DLGAP2: variants seen among roughly 807,000 people sequenced by gnomAD.
DLGAP2 encodes disks large-associated protein 2.
In DLGAP2, 26 loss-of-function variants were observed where a neutral mutation model predicts 100.3. The observed-to-expected ratio is 0.26, with a 90% CI of 0.19 to 0.36. The LOEUF (loss-of-function observed/expected upper bound fraction) is 0.36, where lower values mean the gene tolerates loss of function less well. DLGAP2 is among the 10% of genes least tolerant of loss of function. The pLI, the probability that DLGAP2 is intolerant of heterozygous loss-of-function variation, is 1.00. For synonymous variants in DLGAP2, 886 were observed against 630.1 expected, an observed-to-expected ratio of 1.41 and a Z score of -6.08; for missense variants, 1,858 against 1,453.2, an observed-to-expected ratio of 1.28 and a Z score of -4.53.
intron 2 of DLGAP2, among the ~76,000 whole-genome samples, chr8:1,040,333 C>G (rs1328897902): frequency 1.1e-4 from 17 of 148,106 alleles, no homozygotes; most frequent in Non-Finnish European, 2.5e-4. Flanking sequence ...TGTGCGTGGT[C>G]AGCTCGGTGT....
chr8:808,712 A>C (rs991144677), intron 1 of DLGAP2, among the ~76,000 whole-genome samples: 1 of 152,198 alleles, frequency 6.6e-6, no homozygotes, highest in Non-Finnish European at 1.5e-5. Flanking sequence ...AGTGTGGGCC[A>C]TCTCAGGGCA....
chr8:799,845 C>T (rs777568019), intron 1 of DLGAP2, among the ~76,000 whole-genome samples: 2 of 152,210 alleles, frequency 1.3e-5, no homozygotes, highest in Non-Finnish European at 2.9e-5. Flanking sequence ...GGTCCTCCTA[C>T]CTTGGCCTCT....
chr8:741,876 C>T lies in DLGAP2; in HGVS notation c.18+4051C>T, dbSNP rs71514195. On this transcript the variant is annotated intron_variant, in intron 1 of 14. Transcript: ENST00000637795. The stretch of plus-strand genomic sequence containing the variant: ...GAGAGGAAAGCTTTAGGAAAAACAG[C>T]GGGAAAGGTGTAAGGCCTGCAGTTG... Among the ~76,000 whole-genome samples, 1,256 of 152,274 alleles carry T rather than the reference C, an allele frequency of 8.2e-3. 3 individuals are homozygous for T. The highest frequency in any genetic ancestry group is 0.018 in the South Asian group (88 of 4,832).
intron 2 of DLGAP2, among the ~76,000 whole-genome samples, chr8:1,074,338 C>G (rs145025391): frequency 0.012 from 1,698 of 146,772 alleles, 11 homozygotes; most frequent in African/African-American, 0.044. Flanking sequence ...TGAGGCTGAA[C>G]TCACCCAGGT....
intron 2 of DLGAP2, among the ~76,000 whole-genome samples, chr8:1,209,092 A>G (rs1363168592): frequency 6.6e-6 from 1 of 152,110 alleles, no homozygotes; most frequent in African/African-American, 2.4e-5. Context: ...CAATGGATAA[A>G]TTCAATATCA....
chr8:1,522,697 A>G (rs1053956707), intron 4 of DLGAP2, among the ~76,000 whole-genome samples: 2 of 152,132 alleles, frequency 1.3e-5, no homozygotes, highest in East Asian at 1.9e-4. Context: ...AGAAAGAGGG[A>G]GAATGAGTTT....
At chr8:824,904 A>T (rs1172270195) in intron 1 of DLGAP2, among the ~76,000 whole-genome samples, 1 of 152,126 alleles carries the variant, frequency 6.6e-6, no homozygotes, top group East Asian at 1.9e-4. Context: ...TCACTCCCTG[A>T]GGGGCCATGG....
chr8:1,584,115 A>T (rs1796038315), intron 6 of DLGAP2, among the ~76,000 whole-genome samples: 1 of 152,072 alleles, frequency 6.6e-6, no homozygotes, highest in South Asian at 2.1e-4. Flanking sequence ...TATCATTGCC[A>T]TTGCGCCTTC....
At chr8:910,824 C>T (rs1798469812) in intron 2 of DLGAP2, among the ~76,000 whole-genome samples, 1 of 152,100 alleles carries the variant, frequency 6.6e-6, no homozygotes, top group African/African-American at 2.4e-5. Flanking sequence ...CCGTCCTTAG[C>T]ACCTTTTTTT....
chr8:841,985 G>T (rs1309696575), intron 1 of DLGAP2, among the ~76,000 whole-genome samples: 1 of 152,084 alleles, frequency 6.6e-6, no homozygotes, highest in Non-Finnish European at 1.5e-5. Context: ...TAACGATTTG[G>T]ACACTGCCAC....
At chr8:779,722 C>T (rs1821636321) in intron 1 of DLGAP2, among the ~76,000 whole-genome samples, 1 of 152,096 alleles carries the variant, frequency 6.6e-6, no homozygotes, top group African/African-American at 2.4e-5. Flanking sequence ...AAATCTTTGC[C>T]TTCTCTCAAG....
intron 2 of DLGAP2, among the ~76,000 whole-genome samples, chr8:1,164,651 A>G (rs1053760069): frequency 4.6e-5 from 7 of 152,172 alleles, no homozygotes; most frequent in African/African-American, 9.6e-5. Flanking sequence ...GCCTGTCTCT[A>G]AGGCCCTTGC....
At chr8:1,364,588 G>A (rs577261818) in intron 3 of DLGAP2, among the ~76,000 whole-genome samples, 256 of 152,248 alleles carry the variant, frequency 1.7e-3, no homozygotes, top group African/African-American at 5.3e-3. Flanking sequence ...CCTCATCTTC[G>A]CAGCAGGGGC....
intron 2 of DLGAP2, among the ~76,000 whole-genome samples, chr8:1,048,076 C>T (rs1301255058): frequency 3.3e-5 from 5 of 152,060 alleles, no homozygotes; most frequent in African/African-American, 7.2e-5. Context: ...TGCCTGAGTC[C>T]GAATTTCCGC....
intron 1 of DLGAP2, among the ~76,000 whole-genome samples, chr8:756,299 G>GA (rs1820919704): frequency 6.6e-6 from 1 of 152,146 alleles, no homozygotes; most frequent in African/African-American, 2.4e-5. Context: ...GCCGGATAGG[G>GA]AGCAGGTGTG....
At chr8:820,877 T>C (rs1796571209) in intron 1 of DLGAP2, among the ~76,000 whole-genome samples, 1 of 152,218 alleles carries the variant, frequency 6.6e-6, no homozygotes. Flanking sequence ...AAGATGTAGT[T>C]CTGTCTGTAC....
At chr8:1,038,776 T>C (rs1449205204) in intron 2 of DLGAP2, among the ~76,000 whole-genome samples, 1 of 152,248 alleles carries the variant, frequency 6.6e-6, no homozygotes, top group Non-Finnish European at 1.5e-5. Flanking sequence ...TTGGGAGTTA[T>C]GTATGTATGT....
intron 2 of DLGAP2, among the ~76,000 whole-genome samples, chr8:1,173,581 G>A (rs182491512): frequency 1.4e-3 from 212 of 152,328 alleles, no homozygotes; most frequent in African/African-American, 4.7e-3. Flanking sequence ...GCAAGCCTGG[G>A]CAATGGTGGG....
At chr8:1,338,076 A>G (rs1801330508) in intron 3 of DLGAP2, among the ~76,000 whole-genome samples, 1 of 152,252 alleles carries the variant, frequency 6.6e-6, no homozygotes. Flanking sequence ...CCCTTCAGAG[A>G]CAGCCCATGG....
Sources: allele counts gnomAD v4.1 joint callset (sites outside exome capture counted in the v4.1 genomes callset), GRCh38; gene constraint gnomAD v4.1.1; transcripts MANE v1.5; gene names NCBI Gene and HGNC (gene_info 2026-07-23, HGNC 2026-07-21).